The following MYOF variants were observed in gnomAD, a reference collection of about 807,000 sequenced individuals.
The protein encoded by MYOF is fer-1-like 3, myoferlin.
Under a neutral mutation model 284.2 loss-of-function variants are expected in MYOF, and 244 were observed. The observed-to-expected ratio is 0.86, with a 90% CI of 0.77 to 0.95. MYOF has a LOEUF of 0.95. Among genes scored for constraint, MYOF ranks in the 40% least tolerant of loss-of-function variants. The pLI is 0.00. For synonymous variants in MYOF, 904 were observed against 919.7 expected (o/e 0.98, Z 0.31); for missense variants, 2,496 against 2,560.6 (o/e 0.97, Z 0.54).
At chr10:93,317,234 T>TAG (rs1842652689) in intron 49 of MYOF, among the ~76,000 whole-genome samples, 1 of 93,738 alleles carries the variant, frequency 1.1e-5, no homozygotes, top group Non-Finnish European at 1.8e-5. Flanking sequence ...CCCACACAGA[T>TAG]GTCTGAGTAT....
chr10:93,336,122 C>A, intron 40 of MYOF, 76 bp from the exon 41 acceptor site: 1 of 1,529,900 alleles, frequency 6.5e-7, no homozygotes, highest in Non-Finnish European at 8.8e-7. Context: ...CTGACAGTAT[C>A]AAGTGGGCCT....
intron 19 of MYOF, among the ~76,000 whole-genome samples, chr10:93,384,062 C>A (rs1426774262): frequency 1.3e-5 from 2 of 152,200 alleles, no homozygotes; most frequent in Admixed American, 1.3e-4. Context: ...CAATTCCCAA[C>A]AGAGAAGGGA....
chr10:93,329,928 T>C, intron 43 of MYOF, 94 bp from the exon 44 acceptor site: 1 of 1,320,028 alleles, frequency 7.6e-7, no homozygotes, highest in Non-Finnish European at 1.1e-6. Flanking sequence ...AGGCTGTGTG[T>C]AGTATGGCTG....
At chr10:93,346,001 A>G (rs993610335) in intron 37 of MYOF, among the ~76,000 whole-genome samples, 1 of 152,186 alleles carries the variant, frequency 6.6e-6, no homozygotes, top group Admixed American at 6.5e-5. Flanking sequence ...TATTTGGACC[A>G]AAAAACCTTC....
At chr10:93,408,082 C>T (rs1382102898) in intron 7 of MYOF, among the ~76,000 whole-genome samples, 2 of 152,072 alleles carry the variant, frequency 1.3e-5, no homozygotes, top group African/African-American at 2.4e-5. Context: ...CTATATTGCC[C>T]AGGCTGGTCT....
intron 38 of MYOF, among the ~76,000 whole-genome samples, chr10:93,343,215 T>C (rs1015506331): frequency 1.4e-4 from 21 of 152,312 alleles, no homozygotes; most frequent in Middle Eastern, 3.4e-3. Flanking sequence ...TGAGGCTTTT[T>C]GCCCCCTTTC....
At chr10:93,310,244 C>A in intron 52 of MYOF, 77 bp from the exon 53 acceptor site, 1 of 1,525,472 alleles carries the variant, frequency 6.6e-7, no homozygotes, top group South Asian at 1.2e-5. Flanking sequence ...AACACAGTTT[C>A]AGGAATAAAG....
intron 16 of MYOF, among the ~76,000 whole-genome samples, chr10:93,394,097 T>C (rs1228569225): frequency 1.3e-5 from 2 of 152,152 alleles, no homozygotes; most frequent in Non-Finnish European, 2.9e-5. Context: ...TATTTATTTG[T>C]TTATTCATTC....
chr10:93,381,166 C>T, intron 20 of MYOF, 53 bp downstream of exon 20: 1 of 1,581,100 alleles, frequency 6.3e-7, no homozygotes, highest in Non-Finnish European at 8.7e-7. Flanking sequence ...GCTTCCGGTC[C>T]CGTGGTGCAC....
intron 1 of MYOF, among the ~76,000 whole-genome samples, chr10:93,459,201 C>T (rs576453118): frequency 5.3e-5 from 8 of 152,182 alleles, no homozygotes; most frequent in Non-Finnish European, 1.0e-4. Flanking sequence ...CCCTCCCACA[C>T]TTCCATTTTG....
intron 1 of MYOF, among the ~76,000 whole-genome samples, chr10:93,470,830 C>T (rs1269787749): frequency 1.3e-5 from 2 of 152,182 alleles, no homozygotes; most frequent in Non-Finnish European, 2.9e-5. Flanking sequence ...GCAGAGTACC[C>T]TCTCAATCAA....
At chr10:93,353,789 A>G (rs778018733) in intron 32 of MYOF, 22 bp downstream of exon 32, 2 of 1,584,316 alleles carry the variant, frequency 1.3e-6, no homozygotes, top group Non-Finnish European at 1.7e-6. Context: ...CATGTGTAGC[A>G]TGTAGATTTT....
At chr10:93,329,619 T>C in intron 44 of MYOF, 45 bp downstream of exon 44, 1 of 1,608,858 alleles carries the variant, frequency 6.2e-7, no homozygotes, top group Non-Finnish European at 8.5e-7. Context: ...CAGGTGCCAA[T>C]GTCAGAGGCA....
At chr10:93,345,525 G>T (rs145461169) in intron 37 of MYOF, among the ~76,000 whole-genome samples, 171 of 152,240 alleles carry the variant, frequency 1.1e-3, no homozygotes, top group African/African-American at 3.8e-3. Flanking sequence ...TTAGATCCAC[G>T]TGGCACCCCT....
At chr10:93,370,314 ATTTT>A (rs916555324) in intron 24 of MYOF, among the ~76,000 whole-genome samples, 45 of 122,412 alleles carry the variant, frequency 3.7e-4, no homozygotes, top group Admixed American at 1.0e-3. Context: ...ATGATTACTA[ATTTT>A]TTTTTTTTTT....
At chr10:93,464,729 G>T (rs910094566) in intron 1 of MYOF, among the ~76,000 whole-genome samples, 1 of 152,072 alleles carries the variant, frequency 6.6e-6, no homozygotes, top group East Asian at 1.9e-4. Context: ...AGTCCTGAAC[G>T]GTTAGATTGC....
At chr10:93,387,534 G>T (rs890398120) in intron 19 of MYOF, among the ~76,000 whole-genome samples, 1 of 152,216 alleles carries the variant, frequency 6.6e-6, no homozygotes, top group African/African-American at 2.4e-5. Context: ...CCAGCAAGAA[G>T]TGGCTGTTAT....
intron 29 of MYOF, among the ~76,000 whole-genome samples, chr10:93,358,935 G>A (rs948521824): frequency 2.6e-5 from 4 of 151,406 alleles, no homozygotes; most frequent in South Asian, 2.1e-4. Flanking sequence ...CATGTATCTC[G>A]GAACTTAAAT....
At chr10:93,327,334 C>A (rs940606732) in intron 45 of MYOF, among the ~76,000 whole-genome samples, 3 of 152,096 alleles carry the variant, frequency 2.0e-5, no homozygotes, top group Non-Finnish European at 4.4e-5. Flanking sequence ...ATGAGCCACC[C>A]AGGCTCAAAC....
Sources: allele counts gnomAD v4.1 joint callset (sites outside exome capture counted in the v4.1 genomes callset), GRCh38; gene constraint gnomAD v4.1.1; transcripts MANE v1.5; gene names NCBI Gene and HGNC (gene_info 2026-07-23, HGNC 2026-07-21).